Variants in FRMD5 observed in about 807,000 individuals in gnomAD.
FRMD5 encodes the protein FERM domain-containing protein 5.
In FRMD5, 20 loss-of-function variants were observed where a neutral mutation model predicts 69.0. That is an observed-to-expected ratio of 0.29 (90% CI 0.20 to 0.42). FRMD5 has a LOEUF of 0.42. FRMD5 is among the 10% of genes least tolerant of loss of function. FRMD5 has a pLI of 1.00. For missense variants in FRMD5, 595 were observed against 708.6 expected (o/e 0.84, Z 1.82); for synonymous variants, 271 against 260.1 (o/e 1.04, Z -0.40).
Position 43,981,929 on chromosome 15 carries a change from T to C in FRMD5, c.103-57620A>G, listed in dbSNP as rs557131885. On this transcript the variant is annotated intron_variant, in intron 1 of 13. Coordinates refer to ENST00000417257, the MANE Select transcript of FRMD5 (RefSeq NM_032892.5). ...TTTTCTGCCATATCTACAATCTCTT[T>C]CATGATTTATTTGATTAGCTCTGTC... Among the ~76,000 whole-genome samples the C allele has an allele frequency of 3.2e-3, 480 of 152,348 alleles. 3 individuals are homozygous for C. The highest frequency in any genetic ancestry group is 0.011 in the African/African-American group (456 of 41,578).
intron 1 of FRMD5, among the ~76,000 whole-genome samples, chr15:44,089,004 CT>C (rs1344272438): frequency 6.6e-6 from 1 of 152,152 alleles, no homozygotes; most frequent in Non-Finnish European, 1.5e-5. Context: ...TAAATGGATT[CT>C]TAATATTGCT....
intron 1 of FRMD5, among the ~76,000 whole-genome samples, chr15:44,141,038 C>A (rs112486518): frequency 8.8e-4 from 134 of 151,540 alleles, no homozygotes; most frequent in South Asian, 1.5e-3. Context: ...TTAAAAAAAA[C>A]CAATTACAAT....
Position 43,892,975 on chromosome 15 carries a change from G to A in FRMD5, c.640-906C>T, listed in dbSNP as rs150746034. 1.2e-4 allele frequency among the ~76,000 whole-genome samples: 18 copies of A among 152,104 alleles called. No homozygotes were observed. In the East Asian group the frequency reaches 3.1e-3, roughly 26 times the overall value. On this transcript the variant is annotated intron_variant, in intron 7 of 13. Coordinates refer to ENST00000417257, the MANE Select transcript of FRMD5 (RefSeq NM_032892.5). The stretch of plus-strand genomic sequence containing the variant: ...AAACATTAGCCAGGCGTGGTGATGC[G>A]TGCCTGTAATCCCAGCTACTCAGGA...
chr15:44,092,830 C>A (rs1364653490), intron 1 of FRMD5, among the ~76,000 whole-genome samples: 1 of 152,040 alleles, frequency 6.6e-6, no homozygotes, highest in Non-Finnish European at 1.5e-5. Context: ...AAGTCTTTCG[C>A]TGACCCCACA....
At chr15:44,061,227 T>C (rs1018526795) in intron 1 of FRMD5, among the ~76,000 whole-genome samples, 16 of 152,348 alleles carry the variant, frequency 1.1e-4, no homozygotes, top group African/African-American at 2.6e-4. Context: ...TCCCACAACC[T>C]AGACATTCCA....
chr15:44,166,617 C>G (rs1265493828), intron 1 of FRMD5, among the ~76,000 whole-genome samples: 1 of 151,470 alleles, frequency 6.6e-6, no homozygotes, highest in African/African-American at 2.4e-5. Context: ...AACCCCATCT[C>G]TACTAAAAAT....
At chr15:43,893,697 G>A (rs1356217542) in intron 7 of FRMD5, among the ~76,000 whole-genome samples, 2 of 152,228 alleles carry the variant, frequency 1.3e-5, no homozygotes, top group South Asian at 2.1e-4. Context: ...AGGCATGGGT[G>A]TGGGGGCTGA....
intron 1 of FRMD5, among the ~76,000 whole-genome samples, chr15:44,043,133 AACAG>A (rs766267216): frequency 5.3e-5 from 8 of 152,072 alleles, no homozygotes; most frequent in Admixed American, 2.0e-4. Context: ...ATACACCAAT[AACAG>A]ACAGACAGCC....
At chr15:44,102,983 C>T in intron 1 of FRMD5, among the ~76,000 whole-genome samples, 1 of 152,318 alleles carries the variant, frequency 6.6e-6, no homozygotes, top group Non-Finnish European at 1.5e-5. Context: ...TGCCTACACT[C>T]ATAACCTTGG....
intron 1 of FRMD5, among the ~76,000 whole-genome samples, chr15:44,043,898 T>C (rs568033775): frequency 1.3e-5 from 2 of 152,146 alleles, no homozygotes; most frequent in South Asian, 2.1e-4. Flanking sequence ...CCAAAAACAA[T>C]GGCAACAAAA....
rs187236833 is a variant in FRMD5, at chr15:44,118,939, T to A, written c.102+76014A>T. ...TACAGGTTCATCCCACCATGCTAAA[T>A]TTTTTAAATGTTTTATTTTATTAAA... is the stretch of plus-strand genomic sequence containing the variant. On this transcript the variant is annotated intron_variant, in intron 1 of 13. Transcript: ENST00000417257. Among the ~76,000 whole-genome samples the A allele has an allele frequency of 2.9e-4, 44 of 152,134 alleles. 2 individuals are homozygous for A. The highest frequency in any genetic ancestry group is 6.8e-3 in the Middle Eastern group (2 of 294).
intron 1 of FRMD5, among the ~76,000 whole-genome samples, chr15:44,141,357 C>T (rs1014508543): frequency 6.6e-6 from 1 of 151,978 alleles, no homozygotes; most frequent in Non-Finnish European, 1.5e-5. Context: ...GTGATACTAG[C>T]CCAGGGGTAG....
Position 44,027,853 on chromosome 15 carries a change from C to T in FRMD5, c.103-103544G>A, listed in dbSNP as rs1018979901. The stretch of plus-strand genomic sequence containing the variant: ...TAGGGACAGGGTTTCACTGTGTTAG[C>T]CAGAATGGTCTCTATCTCCTGACCT... On this transcript the variant is annotated intron_variant, in intron 1 of 13. Transcript: ENST00000417257. 9.9e-5 allele frequency among the ~76,000 whole-genome samples: 15 copies of T among 151,978 alleles called. 1 individual carries two copies. Among genetic ancestry groups the T allele is most frequent in the Admixed American group, 8.5e-4 (13 of 15,256 alleles).
intron 1 of FRMD5, among the ~76,000 whole-genome samples, chr15:44,184,989 C>T (rs1273106937): frequency 6.6e-6 from 1 of 152,172 alleles, no homozygotes; most frequent in East Asian, 1.9e-4. Context: ...GTAATATCTC[C>T]TTACCATAAA....
intron 1 of FRMD5, among the ~76,000 whole-genome samples, chr15:44,106,348 ACTCT>A (rs1442679663): frequency 6.6e-6 from 1 of 152,080 alleles, no homozygotes; most frequent in Non-Finnish European, 1.5e-5. Context: ...GCTAAAACTG[ACTCT>A]CTAAGAACTG....
intron 1 of FRMD5, chr15:43,989,280 G>A: frequency 1.3e-6 from 1 of 785,382 alleles, no homozygotes; most frequent in Admixed American, 1.7e-5. Context: ...ACCTGGTGGT[G>A]CCGCCAGATA....
intron 1 of FRMD5, among the ~76,000 whole-genome samples, chr15:44,113,208 C>T (rs767412860): frequency 7.2e-5 from 11 of 152,134 alleles, no homozygotes; most frequent in East Asian, 3.9e-4. Context: ...CCTGCTTTCC[C>T]GGTAGGAGCA....
chr15:43,930,756 G>A (rs1461221817), intron 1 of FRMD5, among the ~76,000 whole-genome samples: 1 of 152,212 alleles, frequency 6.6e-6, no homozygotes, highest in Non-Finnish European at 1.5e-5. Flanking sequence ...TCCTCACTTG[G>A]GTCAGAGAAC....
chr15:43,901,543 G>C (rs1160589750), intron 7 of FRMD5, among the ~76,000 whole-genome samples: 1 of 152,174 alleles, frequency 6.6e-6, no homozygotes, highest in Non-Finnish European at 1.5e-5. Flanking sequence ...AAGCAACAGG[G>C]ACAGGAGGTA....
Sources: allele counts gnomAD v4.1 joint callset (sites outside exome capture counted in the v4.1 genomes callset), GRCh38; gene constraint gnomAD v4.1.1; transcripts MANE v1.5; gene names NCBI Gene and HGNC (gene_info 2026-07-23, HGNC 2026-07-21).